The following C20orf202 variants were observed in gnomAD, a reference collection of about 807,000 sequenced individuals.
The protein encoded by C20orf202 is uncharacterized protein C20orf202.
C20orf202 carries 5 observed loss-of-function variants against 5.3 expected under a neutral mutation model. The observed-to-expected ratio is 0.94, with a 90% CI of 0.49 to 1.98. The LOEUF (loss-of-function observed/expected upper bound fraction) is 1.98. Among genes scored for constraint, C20orf202 ranks in the 30% most tolerant of loss-of-function variants. The pLI is 0.01. For synonymous variants in C20orf202, 48 were observed against 50.0 expected, an observed-to-expected ratio of 0.96 and a Z score of 0.16; for missense variants, 135 against 123.5, an observed-to-expected ratio of 1.09 and a Z score of -0.44.
At position 1,207,324 on chromosome 20, in the gene C20orf202, A is replaced by G. The variant is rs1328080217; in HGVS notation, c.*222A>G. On this transcript the variant is annotated 3_prime_UTR_variant, in exon 2 of 2. Coordinates refer to ENST00000400633, the MANE Select transcript of C20orf202 (RefSeq NM_001394958.1). ...TTTCTTGGTGAGGCACACATAAGGT[A>G]TTGGATGTGAACACACTTTTCGACT... is the stretch of plus-strand genomic sequence containing the variant. 2.3e-6 allele frequency: 1 copy of G among 436,694 alleles called. No homozygotes were observed. 27.1% of individuals were successfully genotyped at this position (436,694 alleles called of 1,614,324 possible). A position where few individuals can be genotyped will look rare whatever the true frequency, so the allele number is the denominator to read the frequency against.
Position 1,207,183 on chromosome 20 carries a change from G to A in C20orf202, c.*81G>A. ...TGTGATATTTCAGGGGCAGAGTGTT[G>A]GAATGGGAGTCAGAAAGCCAGGGCT... is the stretch of plus-strand genomic sequence containing the variant. On this transcript the variant is annotated 3_prime_UTR_variant, in exon 2 of 2. Transcript: ENST00000400633. 1 of 1,037,078 alleles carries A rather than the reference G, an allele frequency of 9.6e-7. No individual in the cohort carries two copies. Among genetic ancestry groups the A allele is most frequent in the Non-Finnish European group, 1.4e-6 (1 of 740,610 alleles). 64.2% of individuals were successfully genotyped at this position (1,037,078 alleles called of 1,614,324 possible).
At position 1,208,742 on chromosome 20, in the gene C20orf202, G is replaced by A. The variant is rs1183688621; in HGVS notation, c.*1640G>A. 6.6e-6 allele frequency among the ~76,000 whole-genome samples: 1 copy of A among 152,112 alleles called. No homozygotes were observed. Among genetic ancestry groups the A allele is most frequent in the African/African-American group, 2.4e-5 (1 of 41,416 alleles). On this transcript the variant is annotated 3_prime_UTR_variant, in exon 2 of 2. Transcript: ENST00000400633. ...TTCCAGACTCCTGGGGCCCCTTCCA[G>A]GAGCTCAGAGACATCAGCTTCAGAT...
At chr20:1,206,162 A>ACTCTCCT (rs2087130844) in intron 1 of C20orf202, among the ~76,000 whole-genome samples, 2 of 152,178 alleles carry the variant, frequency 1.3e-5, no homozygotes, top group Non-Finnish European at 2.9e-5. Flanking sequence ...AGATGACAGG[A>ACTCTCCT]GAGTTCTAAT....
rs748385121 is a variant in C20orf202 at position 1,208,724 on chromosome 20, C to A, written c.*1622C>A. Among the ~76,000 whole-genome samples, 7 of 152,190 alleles carry A rather than the reference C, an allele frequency of 4.6e-5. No individual in the cohort carries two copies. Among genetic ancestry groups the A allele is most frequent in the Non-Finnish European group, 1.0e-4 (7 of 68,040 alleles). ...ACTTCTCCAGGATCCAGGTTCCAGA[C>A]TCCTGGGGCCCCTTCCAGGAGCTCA... On this transcript the variant is annotated 3_prime_UTR_variant, in exon 2 of 2. Transcript: ENST00000400633.
Position 1,207,728 on chromosome 20 carries a change from C to G in C20orf202, c.*626C>G, listed in dbSNP as rs1361598962. The G allele has an allele frequency of 2.6e-5, 4 of 152,244 alleles. No individual in the cohort carries two copies. The highest frequency in any genetic ancestry group is 9.6e-5 in the African/African-American group (4 of 41,462). The allele number at this position is 152,244 out of a possible 1,614,324, so 9.4% of individuals were successfully genotyped here. The stretch of plus-strand genomic sequence containing the variant: ...TCCCTGAGATTGCTACCTGGAAGCT[C>G]TTTCTATTACACTCAGGCTGAGGCT... On this transcript the variant is annotated 3_prime_UTR_variant, in exon 2 of 2. Coordinates refer to ENST00000400633, the MANE Select transcript of C20orf202 (RefSeq NM_001394958.1).
At position 1,208,897 on chromosome 20, in the gene C20orf202, C is replaced by A. The variant is rs1444654270; in HGVS notation, c.*1795C>A. Reference sequence around the variant, plus strand: ...AGCTGAATTTAAACTCCAGGGAATTCCTCCTGTAAGTTTTAAAGTTTGATA... The same window carrying A: ...AGCTGAATTTAAACTCCAGGGAATTACTCCTGTAAGTTTTAAAGTTTGATA... On this transcript the variant is annotated 3_prime_UTR_variant, in exon 2 of 2. Coordinates refer to ENST00000400633, the MANE Select transcript of C20orf202 (RefSeq NM_001394958.1). Among the ~76,000 whole-genome samples, 3 of 152,140 alleles carry A rather than the reference C, an allele frequency of 2.0e-5. No individual in the cohort carries two copies. The highest frequency in any genetic ancestry group is 4.4e-5 in the Non-Finnish European group (3 of 68,020).
At position 1,203,578 on chromosome 20, in the gene C20orf202, A is replaced by T; in HGVS notation, c.-8A>T. The T allele has an allele frequency of 6.4e-7, 1 of 1,551,746 alleles. No homozygotes were observed. The highest frequency in any genetic ancestry group is 8.7e-7 in the Non-Finnish European group (1 of 1,146,982). On this transcript the variant is annotated 5_prime_UTR_variant, in exon 1 of 2. Transcript: ENST00000400633. The stretch of plus-strand genomic sequence containing the variant: ...GTCAGTGTCAAGGTCACTCCTAAGA[A>T]CACTGAGATGAAAATAGCAGAAGAG...
At position 1,206,914 on chromosome 20, in the gene C20orf202, CATCTTCACAGTG is replaced by C. The variant is rs1463103970; in HGVS notation, c.113_124del (p.His38_Val42delinsLeu). The C allele has an allele frequency of 6.4e-7, 1 of 1,550,770 alleles. No homozygotes were observed. Among genetic ancestry groups the C allele is most frequent in the Non-Finnish European group, 8.7e-7 (1 of 1,146,446 alleles). ...TCAGAGTCTCCTGCTCACACTGAGG[CATCTTCACAGTG>C]TCCTGGAGGAGCTGCGTGCGGACAG... On this transcript the variant is annotated inframe_deletion, in exon 2 of 2. Coordinates refer to ENST00000400633, the MANE Select transcript of C20orf202 (RefSeq NM_001394958.1).
In C20orf202 at chr20:1,208,339, G is replaced by A. The variant is rs756221084; in HGVS notation, c.*1237G>A. 11 of 152,182 alleles carry A rather than the reference G, an allele frequency of 7.2e-5. No individual in the cohort carries two copies. The South Asian group carries it at 8.3e-4, about 11-fold the overall frequency. The allele number at this position is 152,182 out of a possible 1,614,324, so 9.4% of individuals were successfully genotyped here. On this transcript the variant is annotated 3_prime_UTR_variant, in exon 2 of 2. Coordinates refer to ENST00000400633, the MANE Select transcript of C20orf202 (RefSeq NM_001394958.1). The stretch of plus-strand genomic sequence containing the variant: ...TCTACCTGTATGTTGCTAGAACATT[G>A]TTTTTATGGCTTTGAAAAAGTAAAT...
chr20:1,206,464 A>C (rs1044209446), intron 1 of C20orf202, among the ~76,000 whole-genome samples: 2 of 152,248 alleles, frequency 1.3e-5, no homozygotes, highest in Non-Finnish European at 2.9e-5. Context: ...TGTCTGTCTT[A>C]ATAGAACACA....
rs117390213 is a variant in C20orf202, at chr20:1,203,691, A to G, written c.66+40A>G. Reference sequence around the variant, plus strand: ...TGCTTTTCCTTGATGCCCCGACTACATATTTTCCAAAGATCTCTGGTTTTC... The same window carrying G: ...TGCTTTTCCTTGATGCCCCGACTACGTATTTTCCAAAGATCTCTGGTTTTC... On this transcript the variant is annotated intron_variant, in intron 1 of 1. Transcript: ENST00000400633. The G allele has an allele frequency of 5.0e-3, 7,594 of 1,519,850 alleles. 49 individuals carry two copies. Among genetic ancestry groups the G allele is most frequent in the Non-Finnish European group, 4.5e-3 (5,133 of 1,133,736 alleles). 94.1% of individuals were successfully genotyped at this position (1,519,850 alleles called of 1,614,324 possible). A position where few individuals can be genotyped will look rare whatever the true frequency, so the allele number is the denominator to read the frequency against.
At chr20:1,204,489 T>C (rs1404043236) in intron 1 of C20orf202, among the ~76,000 whole-genome samples, 2 of 152,236 alleles carry the variant, frequency 1.3e-5, no homozygotes, top group Non-Finnish European at 2.9e-5. Context: ...GTTATGTTAC[T>C]TGGTCCTGTG....
Position 1,207,787 on chromosome 20 carries a change from C to T in C20orf202, c.*685C>T, listed in dbSNP as rs2087139185. 6.6e-6 allele frequency: 1 copy of T among 152,202 alleles called. No homozygotes were observed. The highest frequency in any genetic ancestry group is 1.5e-5 in the Non-Finnish European group (1 of 68,068). 9.4% of individuals were successfully genotyped at this position (152,202 alleles called of 1,614,324 possible). ...CCATGTTCCTACCAGGTAAAGAAGA[C>T]CTGTCTGCAGTAGGAAGGAAAGAGG... On this transcript the variant is annotated 3_prime_UTR_variant, in exon 2 of 2. Transcript: ENST00000400633.
chr20:1,205,367 C>T (rs1388030007), intron 1 of C20orf202, among the ~76,000 whole-genome samples: 1 of 152,180 alleles, frequency 6.6e-6, no homozygotes, highest in Non-Finnish European at 1.5e-5. Flanking sequence ...CTCGGCCTCT[C>T]AAAGTGCTGG....
chr20:1,205,693 A>G (rs1164888404), intron 1 of C20orf202, among the ~76,000 whole-genome samples: 9 of 152,204 alleles, frequency 5.9e-5, no homozygotes, highest in Non-Finnish European at 1.3e-4. Flanking sequence ...GTTGAGGGAT[A>G]AAGTGAGGTG....
intron 1 of C20orf202, among the ~76,000 whole-genome samples, chr20:1,205,910 G>A (rs1044159641): frequency 1.6e-4 from 25 of 151,976 alleles, no homozygotes; most frequent in Admixed American, 6.6e-5. Flanking sequence ...AAAAATAGCC[G>A]GGCATGGTGG....
rs1241020203 is a variant in C20orf202 at position 1,208,768 on chromosome 20, G to A, written c.*1666G>A. ...GAGCTCAGAGACATCAGCTTCAGAT[G>A]CCAGTCCCTCCTCCCCTGAAGTGTG... On this transcript the variant is annotated 3_prime_UTR_variant, in exon 2 of 2. Coordinates refer to ENST00000400633, the MANE Select transcript of C20orf202 (RefSeq NM_001394958.1). Among the ~76,000 whole-genome samples the A allele has an allele frequency of 6.6e-6, 1 of 152,116 alleles. No individual in the cohort carries two copies. The highest frequency in any genetic ancestry group is 2.4e-5 in the African/African-American group (1 of 41,422).
rs1355039005 is a variant in C20orf202, at chr20:1,203,606, C to T, written c.21C>T (p.Pro7=). 3 of 1,551,380 alleles carry T rather than the reference C, an allele frequency of 1.9e-6. No individual in the cohort carries two copies. The highest frequency in any genetic ancestry group is 4.9e-5 in the East Asian group (2 of 40,920). ...CTGAGATGAAAATAGCAGAAGAGCC[C>T]AGCCCGAGTCTTGGGCAGACCTTGG... MKIAEE[P]SPSLGQTLEW... is the part of the protein sequence containing the mutation. The change falls in exon 1 of 2, where the codon CCC becomes CCT. Residue 7 remains proline (P), a synonymous_variant. Transcript: ENST00000400633.
chr20:1,204,239 A>G (rs1451740908), intron 1 of C20orf202, among the ~76,000 whole-genome samples: 1 of 152,132 alleles, frequency 6.6e-6, no homozygotes. Flanking sequence ...AGCAGAGGCC[A>G]ATGCTATGCC....
Sources: gnomAD v4.1 joint callset for allele counts (sites outside exome capture counted in the v4.1 genomes callset) on GRCh38, gnomAD v4.1.1 for gene constraint, MANE v1.5 for transcripts, NCBI Gene and HGNC (gene_info 2026-07-23, HGNC 2026-07-21) for gene names.